The following STK3 variants were observed in gnomAD, a reference collection of about 807,000 sequenced individuals.
STK3 encodes serine/threonine kinase 3, also known as serine/threonine-protein kinase 3.
Under a neutral mutation model 58.0 loss-of-function variants are expected in STK3, and 41 were observed. That is an observed-to-expected ratio of 0.71 (90% CI 0.55 to 0.92). The LOEUF is 0.92. Among genes scored for constraint, STK3 ranks in the 40% least tolerant of loss-of-function variants. STK3 has a pLI of 0.00. For synonymous variants in STK3, 170 were observed against 191.0 expected (o/e 0.89, Z 0.91); for missense variants, 479 against 602.7 (o/e 0.79, Z 2.15).
intron 1 of STK3, chr8:98,437,771 G>A (rs1818545962): frequency 6.6e-6 from 1 of 152,228 alleles, no homozygotes; most frequent in African/African-American, 2.4e-5. Flanking sequence ...GTAACCCACT[G>A]CGTCCAGAGT....
At chr8:98,710,788 G>A (rs1396662128) in intron 4 of STK3, among the ~76,000 whole-genome samples, 1 of 152,238 alleles carries the variant, frequency 6.6e-6, no homozygotes, top group East Asian at 1.9e-4. Flanking sequence ...TTTGAAGAGA[G>A]TAGTGGTTCT....
chr8:98,876,077 C>T (rs1442012109), intron 3 of STK3, among the ~76,000 whole-genome samples: 1 of 152,190 alleles, frequency 6.6e-6, no homozygotes, highest in African/African-American at 2.4e-5. Context: ...TCTTGGTGTT[C>T]AGTCTGGTTC....
intron 3 of STK3, among the ~76,000 whole-genome samples, chr8:98,752,145 T>C (rs1830026163): frequency 6.6e-6 from 1 of 152,072 alleles, no homozygotes; most frequent in South Asian, 2.1e-4. Flanking sequence ...GCCAAGGCAA[T>C]CCTAAGCAAA....
At chr8:98,677,178 T>C (rs1823278780) in intron 6 of STK3, among the ~76,000 whole-genome samples, 1 of 152,182 alleles carries the variant, frequency 6.6e-6, no homozygotes, top group Non-Finnish European at 1.5e-5. Flanking sequence ...GCTACCTGAC[T>C]GGGGCCTTGT....
chr8:98,887,355 T>C (rs1452280959), intron 1 of STK3, among the ~76,000 whole-genome samples: 2 of 152,188 alleles, frequency 1.3e-5, no homozygotes, highest in Non-Finnish European at 2.9e-5. Context: ...GTTCAACTGG[T>C]AAGTATAATG....
chr8:98,448,481 A>G (rs1819052675), intron 1 of STK3, among the ~76,000 whole-genome samples: 1 of 152,202 alleles, frequency 6.6e-6, no homozygotes, highest in Non-Finnish European at 1.5e-5. Context: ...CTGTCATAGA[A>G]TAAGTGGAAA....
intron 6 of STK3, among the ~76,000 whole-genome samples, chr8:98,618,145 A>C (rs1036289223): frequency 2.0e-5 from 3 of 152,000 alleles, no homozygotes; most frequent in African/African-American, 4.8e-5. Flanking sequence ...CCTGGGATGC[A>C]AGGCTGGTTC....
At chr8:98,575,054 T>C (rs566172614) in intron 8 of STK3, among the ~76,000 whole-genome samples, 49 of 152,192 alleles carry the variant, frequency 3.2e-4, no homozygotes, top group African/African-American at 1.2e-3. Context: ...TCTCTTTTGT[T>C]TATAGGTCTT....
intron 1 of STK3, among the ~76,000 whole-genome samples, chr8:98,780,837 A>G (rs1363504719): frequency 6.6e-6 from 1 of 152,200 alleles, no homozygotes; most frequent in East Asian, 1.9e-4. Context: ...TCATCAAGAA[A>G]ATGTCTAAGA....
At chr8:98,765,111 A>C (rs1231061867) in intron 3 of STK3, among the ~76,000 whole-genome samples, 2 of 152,220 alleles carry the variant, frequency 1.3e-5, no homozygotes, top group Non-Finnish European at 2.9e-5. Context: ...CCTAGACAAC[A>C]CTCAAAGTAC....
chr8:98,467,145 C>A (rs1455551215), intron 10 of STK3, among the ~76,000 whole-genome samples: 2 of 152,128 alleles, frequency 1.3e-5, no homozygotes, highest in African/African-American at 2.4e-5. Context: ...TACCAGGTAA[C>A]CGTATCCCTT....
At chr8:98,717,818 G>A (rs1165188697) in intron 4 of STK3, among the ~76,000 whole-genome samples, 2 of 152,142 alleles carry the variant, frequency 1.3e-5, no homozygotes, top group Admixed American at 1.3e-4. Flanking sequence ...ACAGACAAAT[G>A]AATAAGTAAA....
In STK3 at chr8:98,612,057, A is replaced by T. The variant is rs1263615140; in HGVS notation, c.685-15888T>A. ...TAGTATATAAAATATATATAAATATACATATAATAGACATTTATATAAATA... is the reference window on the plus strand; with the variant it reads ...TAGTATATAAAATATATATAAATATTCATATAATAGACATTTATATAAATA... On this transcript the variant is annotated intron_variant, in intron 6 of 10. Coordinates refer to ENST00000419617, the MANE Select transcript of STK3 (RefSeq NM_006281.4). Among the ~76,000 whole-genome samples the T allele has an allele frequency of 2.0e-5, 3 of 149,100 alleles. No homozygotes were observed. The East Asian group carries it at 5.8e-4, about 29-fold the overall frequency.
intron 10 of STK3, among the ~76,000 whole-genome samples, chr8:98,488,608 GA>G (rs1021027952): frequency 6.6e-6 from 1 of 151,976 alleles, no homozygotes; most frequent in African/African-American, 2.4e-5. Context: ...TATTTGGGTA[GA>G]AAAAAATGCA....
At chr8:98,600,104 C>G (rs939630990) in intron 6 of STK3, among the ~76,000 whole-genome samples, 1 of 152,118 alleles carries the variant, frequency 6.6e-6, no homozygotes, top group African/African-American at 2.4e-5. Context: ...ACAGTAAGCA[C>G]AGAGTTAAAG....
At chr8:98,568,069 ATAGATAG>A (rs1420514019) in intron 8 of STK3, among the ~76,000 whole-genome samples, 2 of 124,456 alleles carry the variant, frequency 1.6e-5, no homozygotes, top group Non-Finnish European at 3.7e-5. Context: ...TAGATGATAG[ATAGATAG>A]ATAGATAGAT....
chr8:98,457,916 G>A (rs931982777), intron 10 of STK3, among the ~76,000 whole-genome samples: 2 of 152,130 alleles, frequency 1.3e-5, no homozygotes, highest in Non-Finnish European at 2.9e-5. Context: ...AAGCTACTTA[G>A]AAGAAAAATT....
intron 3 of STK3, among the ~76,000 whole-genome samples, chr8:98,865,186 T>C (rs1299867466): frequency 6.6e-6 from 1 of 151,846 alleles, no homozygotes; most frequent in Non-Finnish European, 1.5e-5. Flanking sequence ...AGACCAGGAG[T>C]TCAGGACCAG....
At chr8:98,939,625 G>A (rs1840329060) in intron 1 of STK3, among the ~76,000 whole-genome samples, 1 of 152,234 alleles carries the variant, frequency 6.6e-6, no homozygotes, top group Admixed American at 6.5e-5. Flanking sequence ...ACTCACTGCC[G>A]CGTAGGAACG....
Sources: allele counts gnomAD v4.1 joint callset (sites outside exome capture counted in the v4.1 genomes callset), GRCh38; gene constraint gnomAD v4.1.1; transcripts MANE v1.5; gene names NCBI Gene and HGNC (gene_info 2026-07-23, HGNC 2026-07-21).